The following IPO11 variants were observed in gnomAD, a reference collection of about 807,000 sequenced individuals.
IPO11 encodes the protein importin-11.
IPO11 carries 66 observed loss-of-function variants against 143.2 expected under a neutral mutation model. The observed-to-expected ratio is 0.46, with a 90% CI of 0.38 to 0.57. IPO11 has a LOEUF of 0.57. Ranked by LOEUF, IPO11 falls within the 20% of genes least tolerant of loss-of-function variation. The probability of loss-of-function intolerance (pLI) is 0.00; values close to 1 mark genes in which losing one functional copy is unlikely to be tolerated. For missense variants in IPO11, 1,026 were observed against 1,141.0 expected (o/e 0.90, Z 1.45); for synonymous variants, 385 against 377.8 (o/e 1.02, Z -0.22).
chr5:62,588,418 G>A (rs1744885004), intron 27 of IPO11, among the ~76,000 whole-genome samples: 1 of 151,966 alleles, frequency 6.6e-6, no homozygotes, highest in Non-Finnish European at 1.5e-5. Flanking sequence ...TTTTTGTAGA[G>A]ACAAGGGTCT....
At chr5:62,441,603 C>T (rs1455564769) in intron 2 of IPO11, among the ~76,000 whole-genome samples, 1 of 149,276 alleles carries the variant, frequency 6.7e-6, no homozygotes, top group African/African-American at 2.5e-5. Flanking sequence ...GCAACCTCCG[C>T]CTCCTGGGTT....
At chr5:62,582,851 G>T (rs1744619704) in intron 27 of IPO11, among the ~76,000 whole-genome samples, 1 of 152,044 alleles carries the variant, frequency 6.6e-6, no homozygotes, top group Non-Finnish European at 1.5e-5. Context: ...ATGCTTGTTG[G>T]TTAGTTAATA....
chr5:62,549,686 C>T (rs1011148133), intron 24 of IPO11, among the ~76,000 whole-genome samples: 1 of 152,176 alleles, frequency 6.6e-6, no homozygotes. Context: ...CTGCATTCTT[C>T]TCTTCCTAAA....
chr5:62,513,452 T>C (rs371810050), intron 19 of IPO11, among the ~76,000 whole-genome samples: 12,747 of 58,940 alleles, frequency 0.22, 4 homozygotes, highest in African/African-American at 0.36. Flanking sequence ...AGCGGCTGGC[T>C]GGGCAGAGGG....
intron 27 of IPO11, chr5:62,576,079 T>G (rs1744303782): frequency 6.5e-6 from 1 of 153,050 alleles, no homozygotes; most frequent in African/African-American, 2.4e-5. Flanking sequence ...ACTCTGATTT[T>G]GTTTGGTTTG....
chr5:62,601,805 A>G lies in IPO11; in HGVS notation c.2720A>G (p.Glu907Gly). 4.4e-6 allele frequency: 7 copies of G among 1,597,972 alleles called. No homozygotes were observed. The highest frequency in any genetic ancestry group is 1.1e-5 in the South Asian group (1 of 87,506). ...MSHLEEPKVT[E>G]DEEPPTEQDK... ...CATCTTGAGGAACCAAAAGTAACAG[A>G]AGATGAAGAACCACCCACAGAACAA... is the stretch of plus-strand genomic sequence containing the variant. The change falls in exon 29 of 30, where the codon GAA becomes GGA. Residue 907 changes from glutamate (E) to glycine (G), a missense_variant. Around this residue, in one of 5 missense-constraint regions of IPO11, gnomAD observed 351 missense variants for 358.9 expected, o/e 0.98. Coordinates refer to ENST00000325324, the MANE Select transcript of IPO11 (RefSeq NM_016338.5).
intron 28 of IPO11, among the ~76,000 whole-genome samples, chr5:62,599,808 A>T (rs957840980): frequency 7.2e-5 from 11 of 152,356 alleles, no homozygotes; most frequent in Non-Finnish European, 1.6e-4. Context: ...ACTTCAGTTT[A>T]TTAGAAATCT....
At chr5:62,504,783 A>T (rs1741487023) in intron 17 of IPO11, 75 bp from the exon 18 acceptor site, 11 of 1,325,394 alleles carry the variant, frequency 8.3e-6, no homozygotes, top group Non-Finnish European at 1.1e-5. Context: ...AAATTAATTT[A>T]TGTATACTTG....
chr5:62,578,661 C>T (rs781187785), intron 27 of IPO11: 1 of 465,890 alleles, frequency 2.1e-6, no homozygotes, highest in Non-Finnish European at 4.4e-6. Flanking sequence ...TTCCGTTCAG[C>T]AATACTTTTG....
chr5:62,428,332 A>G (rs56975228), intron 1 of IPO11, among the ~76,000 whole-genome samples: 5,720 of 151,930 alleles, frequency 0.038, 137 homozygotes, highest in Middle Eastern at 0.065. Context: ...CCTGGCCTAT[A>G]TAAGTCACAT....
intron 19 of IPO11, among the ~76,000 whole-genome samples, chr5:62,508,836 ATGAG>A (rs1459852739): frequency 6.6e-6 from 1 of 151,948 alleles, no homozygotes; most frequent in African/African-American, 2.4e-5. Flanking sequence ...ACTCCCACCT[ATGAG>A]TGAGAACATG....
intron 26 of IPO11, among the ~76,000 whole-genome samples, chr5:62,558,355 G>A (rs1743648872): frequency 6.6e-6 from 1 of 152,168 alleles, no homozygotes. Context: ...AATTTTTGAA[G>A]TGTTCAAGAA....
chr5:62,549,740 A>C (rs1343492385), intron 24 of IPO11, among the ~76,000 whole-genome samples: 2 of 152,232 alleles, frequency 1.3e-5, no homozygotes, highest in African/African-American at 4.8e-5. Flanking sequence ...TTTGAATTTC[A>C]TGCTTACCCA....
chr5:62,515,766 A>G (rs1351709815), intron 20 of IPO11, among the ~76,000 whole-genome samples: 3 of 152,186 alleles, frequency 2.0e-5, no homozygotes, highest in African/African-American at 7.2e-5. Flanking sequence ...CATGCAGTCC[A>G]TGGCACCATG....
intron 28 of IPO11, among the ~76,000 whole-genome samples, chr5:62,600,324 G>A (rs1420881726): frequency 6.6e-6 from 1 of 152,202 alleles, no homozygotes; most frequent in Non-Finnish European, 1.5e-5. Context: ...GGGATTACAG[G>A]TGTATGCCAC....
At chr5:62,434,079 C>T (rs969376631) in intron 1 of IPO11, among the ~76,000 whole-genome samples, 5 of 152,160 alleles carry the variant, frequency 3.3e-5, no homozygotes, top group African/African-American at 9.7e-5. Flanking sequence ...ACTTCATTTT[C>T]CGCCACTTTC....
At chr5:62,430,830 A>G (rs1187968385) in intron 1 of IPO11, among the ~76,000 whole-genome samples, 1 of 151,326 alleles carries the variant, frequency 6.6e-6, no homozygotes, top group Admixed American at 6.6e-5. Context: ...GGCGTGCACC[A>G]TCACGTCTGG....
chr5:62,444,289 T>C (rs556247173), intron 3 of IPO11, among the ~76,000 whole-genome samples: 1 of 152,114 alleles, frequency 6.6e-6, no homozygotes, highest in East Asian at 1.9e-4. Context: ...AGCCAGGGTT[T>C]CACTGTGTTA....
At chr5:62,579,449 TAC>T in intron 27 of IPO11, 1 of 1,550,792 alleles carries the variant, frequency 6.4e-7, no homozygotes, top group Non-Finnish European at 8.7e-7. Context: ...ATGTGTGGAT[TAC>T]AGTTTTCTCT....
Sources: allele counts gnomAD v4.1 joint callset (sites outside exome capture counted in the v4.1 genomes callset), GRCh38; gene constraint gnomAD v4.1.1; regional missense constraint gnomAD v4.1.1; transcripts MANE v1.5; gene names NCBI Gene and HGNC (gene_info 2026-07-23, HGNC 2026-07-21).